The following OPCML variants were observed in gnomAD, a reference collection of about 807,000 sequenced individuals.
The protein encoded by OPCML is opioid-binding protein/cell adhesion molecule.
Under a neutral mutation model 37.8 loss-of-function variants are expected in OPCML, and 13 were observed. The ratio of observed to expected loss-of-function variants is 0.34; its 90% confidence interval spans 0.22 to 0.55. OPCML has a LOEUF of 0.55. Ranked by LOEUF, OPCML falls within the 20% of genes least tolerant of loss-of-function variation. The probability of loss-of-function intolerance (pLI) is 0.91; values close to 1 mark genes in which losing one functional copy is unlikely to be tolerated. For synonymous variants in OPCML, 176 were observed against 168.8 expected, an observed-to-expected ratio of 1.04 and a Z score of -0.33; for missense variants, 341 against 435.6, an observed-to-expected ratio of 0.78 and a Z score of 1.93.
chr11:132,627,845 C>T (rs1157664745), intron 3 of OPCML, among the ~76,000 whole-genome samples: 1 of 152,148 alleles, frequency 6.6e-6, no homozygotes, highest in African/African-American at 2.4e-5. Flanking sequence ...AATCGAAGCT[C>T]ATTTCCATAA....
chr11:133,482,881 A>T (rs1049573188), intron 1 of OPCML, among the ~76,000 whole-genome samples: 1 of 152,186 alleles, frequency 6.6e-6, no homozygotes, highest in African/African-American at 2.4e-5. Context: ...TGGCTTAAAC[A>T]AACGCCCAAA....
intron 1 of OPCML, among the ~76,000 whole-genome samples, chr11:133,280,573 T>G (rs1385663604): frequency 6.6e-6 from 1 of 152,226 alleles, no homozygotes; most frequent in Non-Finnish European, 1.5e-5. Context: ...CACCTAACAT[T>G]GGCTCTGTTG....
chr11:133,102,089 G>A (rs983800320), intron 1 of OPCML, among the ~76,000 whole-genome samples: 4 of 152,140 alleles, frequency 2.6e-5, no homozygotes, highest in Admixed American at 2.6e-4. Context: ...AGGTTTTTAG[G>A]GCAGTAAAAT....
chr11:132,883,788 C>G (rs34129706), intron 2 of OPCML, among the ~76,000 whole-genome samples: 22,381 of 152,220 alleles, frequency 0.15, 2,038 homozygotes, highest in Middle Eastern at 0.23. Flanking sequence ...TTCTTCTACA[C>G]TAAAAAATCA....
At chr11:132,721,171 C>CT in intron 2 of OPCML, among the ~76,000 whole-genome samples, 1 of 152,224 alleles carries the variant, frequency 6.6e-6, no homozygotes, top group African/African-American at 2.4e-5. Flanking sequence ...AGACACAAAG[C>CT]TGAGAAACGA....
At chr11:132,977,796 T>C (rs1356284527) in intron 1 of OPCML, among the ~76,000 whole-genome samples, 1 of 152,232 alleles carries the variant, frequency 6.6e-6, no homozygotes, top group African/African-American at 2.4e-5. Context: ...AAAATGGCTC[T>C]ACACTGCTTA....
intron 4 of OPCML, among the ~76,000 whole-genome samples, chr11:132,455,501 G>A (rs955819328): frequency 2.6e-5 from 4 of 152,182 alleles, no homozygotes; most frequent in African/African-American, 9.7e-5. Context: ...ATCCGCCCTC[G>A]AGTGAGATCC....
chr11:133,004,342 C>T, intron 1 of OPCML: 1 of 985,272 alleles, frequency 1.0e-6, no homozygotes, highest in Admixed American at 6.1e-5. Flanking sequence ...CTTTGGATTC[C>T]TGTAGTGTTG....
intron 1 of OPCML, among the ~76,000 whole-genome samples, chr11:133,291,107 C>G (rs186161540): frequency 6.6e-6 from 1 of 152,352 alleles, no homozygotes; most frequent in South Asian, 2.1e-4. Context: ...TCGTGCCACG[C>G]ACAGCTCAAT....
chr11:133,342,666 G>A (rs764310546), intron 1 of OPCML, among the ~76,000 whole-genome samples: 9 of 152,116 alleles, frequency 5.9e-5, no homozygotes, highest in African/African-American at 1.4e-4. Context: ...TACAGGCAGC[G>A]GACAGCTCCA....
chr11:133,333,729 G>A (rs1056151474), intron 1 of OPCML, among the ~76,000 whole-genome samples: 1 of 152,128 alleles, frequency 6.6e-6, no homozygotes, highest in African/African-American at 2.4e-5. Context: ...GAACATATTT[G>A]CAAACTATGC....
At chr11:132,551,115 T>A (rs916313779) in intron 3 of OPCML, among the ~76,000 whole-genome samples, 7 of 152,202 alleles carry the variant, frequency 4.6e-5, no homozygotes, top group Admixed American at 2.6e-4. Flanking sequence ...TGTGAGTTAC[T>A]CTTTCTCTAT....
rs576432809 is a variant in OPCML, at chr11:133,106,381, C to T, written c.62-163371G>A. 1.1e-4 allele frequency among the ~76,000 whole-genome samples: 16 copies of T among 152,322 alleles called. No homozygotes were observed. In the East Asian group the frequency reaches 1.7e-3, roughly 17 times the overall value. ...CTTTAGAGTACATGGAAATACATAACGCAGACTTTCTGCAAGAAATGATGA... is the reference window on the plus strand; with the variant it reads ...CTTTAGAGTACATGGAAATACATAATGCAGACTTTCTGCAAGAAATGATGA... On this transcript the variant is annotated intron_variant, in intron 1 of 7. Coordinates refer to ENST00000524381, the MANE Select transcript of OPCML (RefSeq NM_001012393.5).
rs542459774 is a variant in OPCML, at chr11:133,443,076, T to A, written c.61+89188A>T. 2.6e-5 allele frequency among the ~76,000 whole-genome samples: 4 copies of A among 152,112 alleles called. No homozygotes were observed. In the South Asian group the frequency reaches 8.3e-4, roughly 32 times the overall value. On this transcript the variant is annotated intron_variant, in intron 1 of 7. Transcript: ENST00000524381. ...AAATAAAAGTGATGAAATGAAAAAC[T>A]GAACCCACAGAAAACGCAGACAATC...
intron 4 of OPCML, among the ~76,000 whole-genome samples, chr11:132,522,410 G>A (rs1369148561): frequency 6.6e-6 from 1 of 152,164 alleles, no homozygotes; most frequent in East Asian, 1.9e-4. Flanking sequence ...CATTCAATGA[G>A]TTAAAACACA....
chr11:133,436,705 A>G (rs12277430), intron 1 of OPCML, among the ~76,000 whole-genome samples: 2,401 of 152,324 alleles, frequency 0.016, 30 homozygotes, highest in South Asian at 0.073. Context: ...TAGCTGTGTG[A>G]CCTTGAATAG....
chr11:132,620,559 A>T lies in OPCML; in HGVS notation c.379+36528T>A, dbSNP rs1404197482. ...GAAAAACAGGAAGCAACCCAAGGTG[A>T]CGCTTTACCAACACTGGCTACATAG... is the stretch of plus-strand genomic sequence containing the variant. On this transcript the variant is annotated intron_variant, in intron 3 of 7. Coordinates refer to ENST00000524381, the MANE Select transcript of OPCML (RefSeq NM_001012393.5). Among the ~76,000 whole-genome samples the T allele has an allele frequency of 5.3e-5, 8 of 152,320 alleles. No individual in the cohort carries two copies. The East Asian group carries it at 1.4e-3, about 26-fold the overall frequency.
At chr11:132,607,000 GA>G in intron 3 of OPCML, among the ~76,000 whole-genome samples, 1 of 152,208 alleles carries the variant, frequency 6.6e-6, no homozygotes, top group Admixed American at 6.5e-5. Context: ...ATAACTTAGA[GA>G]AAAAGGGTTA....
chr11:133,204,882 A>ATGTGTGTGTG (rs1555114199), intron 1 of OPCML, among the ~76,000 whole-genome samples: 3 of 30,218 alleles, frequency 9.9e-5, no homozygotes, highest in African/African-American at 3.8e-4. Context: ...ATATATATAT[A>ATGTGTGTGTG]TATATATATA....
Sources: gnomAD v4.1 joint callset for allele counts (sites outside exome capture counted in the v4.1 genomes callset) on GRCh38, gnomAD v4.1.1 for gene constraint, MANE v1.5 for transcripts, NCBI Gene and HGNC (gene_info 2026-07-23, HGNC 2026-07-21) for gene names.